MAP3K21: variants seen among roughly 807,000 people sequenced by gnomAD.
The protein encoded by MAP3K21 is mitogen-activated protein kinase kinase kinase 21, also known as mitogen-activated protein kinase kinase kinase MLK4.
A neutral mutation model predicts 86.1 loss-of-function variants in MAP3K21; 63 were observed. That is an observed-to-expected ratio of 0.73 (90% CI 0.60 to 0.90). The LOEUF is 0.90. Among genes scored for constraint, MAP3K21 ranks in the 40% least tolerant of loss-of-function variants. The probability of loss-of-function intolerance (pLI) is 0.00; values close to 1 mark genes in which losing one functional copy is unlikely to be tolerated. For missense variants in MAP3K21, 1,220 were observed against 1,367.7 expected (o/e 0.89, Z 1.70); for synonymous variants, 558 against 564.8 (o/e 0.99, Z 0.17).
chr1:233,379,594 G>T lies in MAP3K21; in HGVS notation c.2588G>T (p.Arg863Ile). The change falls in exon 9 of 10, where the codon AGA becomes ATA. Residue 863 changes from arginine to isoleucine, a missense_variant. Around this residue, in one of 5 missense-constraint regions of MAP3K21, gnomAD observed 632 missense variants for 691.3 expected, o/e 0.91. Transcript: ENST00000366624. Reference protein sequence around the residue: ...PRLDTDCSVSRNLPSSFLQQT... With the variant: ...PRLDTDCSVSINLPSSFLQQT... ...CTTGACACTGATTGTAGTGTATCAAGAAACTTGCCGTCTTCCTTCCTACAG... is the reference window on the plus strand; with the variant it reads ...CTTGACACTGATTGTAGTGTATCAATAAACTTGCCGTCTTCCTTCCTACAG... 2 of 1,614,206 alleles carry T rather than the reference G, an allele frequency of 1.2e-6. No individual in the cohort carries two copies. Among genetic ancestry groups the T allele is most frequent in the Non-Finnish European group, 1.7e-6 (2 of 1,180,048 alleles).
intron 2 of MAP3K21, among the ~76,000 whole-genome samples, chr1:233,351,835 TTAG>T (rs1331806415): frequency 6.6e-6 from 1 of 152,214 alleles, no homozygotes; most frequent in Non-Finnish European, 1.5e-5. Context: ...ACTAGTTATA[TTAG>T]TAGAATTTAA....
chr1:233,330,150 T>C (rs563080654), intron 1 of MAP3K21, among the ~76,000 whole-genome samples: 1 of 152,382 alleles, frequency 6.6e-6, no homozygotes, highest in South Asian at 2.1e-4. Flanking sequence ...TGAAAATTAC[T>C]AATGTAGCAT....
intron 5 of MAP3K21, among the ~76,000 whole-genome samples, chr1:233,371,293 T>C (rs1663673383): frequency 6.6e-6 from 1 of 152,242 alleles, no homozygotes; most frequent in Non-Finnish European, 1.5e-5. Flanking sequence ...TTGAGGTCCA[T>C]AGCGTGTTAT....
At chr1:233,376,166 A>G in intron 7 of MAP3K21, 100 bp downstream of exon 7, 1 of 1,018,512 alleles carries the variant, frequency 9.8e-7, no homozygotes, top group Non-Finnish European at 1.5e-6. Flanking sequence ...AAGTAAATTA[A>G]TAGAGAGATT....
Position 233,328,522 on chromosome 1 carries a change from C to G in MAP3K21, c.494C>G (p.Ala165Gly), listed in dbSNP as rs767215686. ...QDPEQDAAAA[A>G]ESVRREARLF... ...CCGGAGCAGGACGCGGCGGCGGCTGCCGAGAGCGTGCGGCGCGAGGCTCGG... is the reference window on the plus strand; with the variant it reads ...CCGGAGCAGGACGCGGCGGCGGCTGGCGAGAGCGTGCGGCGCGAGGCTCGG... The change falls in exon 1 of 10, where the codon GCC (alanine) becomes GGC (glycine). Residue 165 changes from alanine to glycine, a missense_variant. By Grantham distance (60) the Ala-to-Gly change is moderately conservative. Transcript: ENST00000366624. This position sits in a 1 kb window ranked among gnomAD's most constrained non-coding sequence, Gnocchi z 8.7. 1 of 1,529,746 alleles carries G rather than the reference C, an allele frequency of 6.5e-7. No homozygotes were observed. Among genetic ancestry groups the G allele is most frequent in the African/African-American group, 1.4e-5 (1 of 70,058 alleles). The allele number at this position is 1,529,746 out of a possible 1,614,324, so 94.8% of individuals were successfully genotyped here. A position where few individuals can be genotyped will look rare whatever the true frequency, so the allele number is the denominator to read the frequency against.
intron 2 of MAP3K21, among the ~76,000 whole-genome samples, chr1:233,349,070 G>A (rs1272454373): frequency 2.0e-5 from 3 of 152,144 alleles, no homozygotes; most frequent in African/African-American, 7.2e-5. Context: ...TTTATCAGTT[G>A]GATCAGGGTT....
intron 5 of MAP3K21, among the ~76,000 whole-genome samples, chr1:233,369,300 G>A (rs1663641149): frequency 6.6e-6 from 1 of 152,008 alleles, no homozygotes. Context: ...TGAGGCAGGA[G>A]GATTGCTTGA....
At chr1:233,339,385 TTCTTCTCCTCCTTCTC>T (rs1662989931) in intron 1 of MAP3K21, among the ~76,000 whole-genome samples, 1 of 111,478 alleles carries the variant, frequency 9.0e-6, no homozygotes, top group Admixed American at 1.1e-4. Context: ...CTTCTTCTCC[TTCTTCTCCTCCTTCTC>T]CTCCTCCTCC....
chr1:233,365,624 TA>T (rs1253567841), intron 5 of MAP3K21, among the ~76,000 whole-genome samples: 1 of 152,138 alleles, frequency 6.6e-6, no homozygotes, highest in African/African-American at 2.4e-5. Flanking sequence ...CGAAAAATAG[TA>T]AATGTTGGTG....
intron 5 of MAP3K21, among the ~76,000 whole-genome samples, chr1:233,366,125 G>A (rs1269268310): frequency 6.6e-6 from 1 of 152,114 alleles, no homozygotes; most frequent in Non-Finnish European, 1.5e-5. Flanking sequence ...TCACATATAT[G>A]TGGGAGCGAA....
intron 1 of MAP3K21, among the ~76,000 whole-genome samples, chr1:233,340,843 A>G (rs1663027146): frequency 6.6e-6 from 1 of 152,190 alleles, no homozygotes; most frequent in South Asian, 2.1e-4. Context: ...TTTGGATAAT[A>G]CATTTCCAGT....
chr1:233,376,855 G>A (rs932713172), intron 8 of MAP3K21, among the ~76,000 whole-genome samples: 3 of 152,168 alleles, frequency 2.0e-5, no homozygotes, highest in Non-Finnish European at 2.9e-5. Flanking sequence ...TGAAAGTTCT[G>A]CTGAGATTAA....
chr1:233,382,045 C>T (rs1359485585), intron 9 of MAP3K21, among the ~76,000 whole-genome samples: 3 of 152,152 alleles, frequency 2.0e-5, no homozygotes, highest in Admixed American at 6.5e-5. Flanking sequence ...TGCAAACTTG[C>T]AGGACTTCAG....
chr1:233,375,699 G>A (rs934024440), intron 6 of MAP3K21: 4 of 515,798 alleles, frequency 7.8e-6, no homozygotes, highest in Middle Eastern at 4.9e-4. Flanking sequence ...CCTCGAATTT[G>A]TATCTTTTCT....
chr1:233,345,628 T>C (rs1292210031), intron 1 of MAP3K21, among the ~76,000 whole-genome samples: 3 of 151,948 alleles, frequency 2.0e-5, no homozygotes, highest in Non-Finnish European at 2.9e-5. Context: ...AAATACCTAA[T>C]GTAAATGACG....
Position 233,346,572 on chromosome 1 carries a change from C to A in MAP3K21, c.936C>A (p.Ala312=), listed in dbSNP as rs574287972. 1 of 1,613,826 alleles carries A rather than the reference C, an allele frequency of 6.2e-7. No homozygotes were observed. Among genetic ancestry groups the A allele is most frequent in the East Asian group, 2.2e-5 (1 of 44,884 alleles). The change falls in exon 2 of 10, where the codon GCC becomes GCA. Residue 312 remains alanine, a synonymous_variant. Transcript: ENST00000366624. ...MSTAGTYAWM[A]PEVIKSSLFS... ...CAGCAGGCACCTATGCCTGGATGGC[C>A]CCCGAAGTGATCAAGTCTTCCTTGT...
chr1:233,329,323 T>A (rs1413598299), intron 1 of MAP3K21, among the ~76,000 whole-genome samples: 1 of 152,206 alleles, frequency 6.6e-6, no homozygotes, highest in Non-Finnish European at 1.5e-5. Context: ...TATGACTTCA[T>A]GTCTCTTACC....
chr1:233,363,411 A>G (rs577992890), intron 5 of MAP3K21, among the ~76,000 whole-genome samples: 2 of 152,300 alleles, frequency 1.3e-5, no homozygotes, highest in East Asian at 3.9e-4. Flanking sequence ...AATTGCTAGT[A>G]TGACATCTGG....
intron 6 of MAP3K21, among the ~76,000 whole-genome samples, chr1:233,375,130 G>A (rs1022075370): frequency 2.4e-4 from 36 of 152,004 alleles, no homozygotes; most frequent in Admixed American, 5.9e-4. Context: ...TTTTAGTGGA[G>A]ACCGGGTTTC....
Sources: gnomAD v4.1 joint callset for allele counts (sites outside exome capture counted in the v4.1 genomes callset) on GRCh38, gnomAD v4.1.1 for gene constraint, gnomAD v4.1.1 regional missense constraint, Gnocchi (gnomAD v3.1) non-coding constraint, MANE v1.5 for transcripts, NCBI Gene and HGNC (gene_info 2026-07-23, HGNC 2026-07-21) for gene names.